Variants in HMCN2 observed in about 807,000 individuals in gnomAD.
The protein encoded by HMCN2 is hemicentin 2.
HMCN2 carries 325 observed loss-of-function variants against 377.5 expected under a neutral mutation model. The ratio of observed to expected loss-of-function variants is 0.86; its 90% CI spans 0.79 to 0.94. HMCN2 has a LOEUF of 0.94. Ranked by LOEUF, HMCN2 falls within the 40% of genes least tolerant of loss-of-function variation. The pLI, the probability that HMCN2 is intolerant of heterozygous loss-of-function variation, is 0.00. For synonymous variants in HMCN2, 2,007 were observed against 2,046.8 expected (o/e 0.98, Z 0.53); for missense variants, 4,543 against 4,725.3 (o/e 0.96, Z 1.13).
In HMCN2 at chr9:130,431,393, C is replaced by T. The variant is rs1191479568; in HGVS notation, c.14674C>T (p.Leu4892=). Reference sequence around the variant, plus strand: ...CCTTGACGAGTGCCGCGTGAGGAACCTGTGTCAGCACGCCTGCCGCAACAC... The same window carrying T: ...CCTTGACGAGTGCCGCGTGAGGAACTTGTGTCAGCACGCCTGCCGCAACAC... ...TDLDECRVRN[L]CQHACRNTEG... Residue 4892 remains leucine, a synonymous_variant, in exon 96 of 98, where the codon CTG becomes TTG. Transcript: ENST00000683500. 1 of 1,549,986 alleles carries T rather than the reference C, an allele frequency of 6.5e-7. No individual in the cohort carries two copies. Among genetic ancestry groups the T allele is most frequent in the African/African-American group, 1.4e-5 (1 of 73,034 alleles).
At chr9:130,403,917 G>C in intron 80 of HMCN2, 42 bp downstream of exon 80, 1 of 1,269,872 alleles carries the variant, frequency 7.9e-7, no homozygotes, top group Non-Finnish European at 1.0e-6. Context: ...TGGCAACTGA[G>C]GGGCTTTGAG....
Position 130,394,808 on chromosome 9 carries a change from G to A in HMCN2, c.10693-219G>A, listed in dbSNP as rs552061284. Among the ~76,000 whole-genome samples, 3 of 152,314 alleles carry A rather than the reference G, an allele frequency of 2.0e-5. No homozygotes were observed. The South Asian group carries it at 6.2e-4, about 32-fold the overall frequency. On this transcript the variant is annotated intron_variant, in intron 69 of 97. Coordinates refer to ENST00000683500, the MANE Select transcript of HMCN2 (RefSeq NM_001291815.2). This position sits in a 1 kb window ranked among gnomAD's most constrained non-coding sequence, Gnocchi z 5.1. ...ACCCCATCTAGGCCAGAGGAGGGCT[G>A]GTGCAGTTAAGGGGGACTTCTGGGA...
At chr9:130,432,282 G>T in intron 96 of HMCN2, 147 bp from the exon 97 acceptor site, 1 of 725,020 alleles carries the variant, frequency 1.4e-6, no homozygotes, top group Non-Finnish European at 2.4e-6. Flanking sequence ...CAGCTGGGTG[G>T]TCATGGGTCA....
intron 1 of HMCN2, among the ~76,000 whole-genome samples, chr9:130,276,408 GAGC>G (rs1554923146): frequency 1.3e-5 from 2 of 152,196 alleles, no homozygotes; most frequent in African/African-American, 4.8e-5. Flanking sequence ...GGGAGGGTCA[GAGC>G]AGGACGGGGA....
chr9:130,313,774 CTTTTTTTTTTT>C (rs1215426849), intron 15 of HMCN2, among the ~76,000 whole-genome samples: 10 of 81,560 alleles, frequency 1.2e-4, no homozygotes, highest in Admixed American at 3.1e-4. Flanking sequence ...TGTGTGTCCT[CTTTTTTTTTTT>C]TTTTTTTTTT....
At chr9:130,383,473 A>G in intron 56 of HMCN2, 31 bp from the exon 57 acceptor site, 2 of 963,856 alleles carry the variant, frequency 2.1e-6, no homozygotes, top group Non-Finnish European at 2.5e-6. Context: ...GGTCTCAGGT[A>G]TCTCCCAGGC....
chr9:130,368,468 C>T (rs951060252), intron 44 of HMCN2, 31 bp downstream of exon 44: 1 of 983,242 alleles, frequency 1.0e-6, no homozygotes, highest in African/African-American at 1.7e-5. Context: ...CTGGAAGGGT[C>T]TGGGATCATG....
chr9:130,382,423 T>G (rs989864748), intron 55 of HMCN2, 126 bp downstream of exon 55: 1 of 287,016 alleles, frequency 3.5e-6, no homozygotes, highest in East Asian at 1.7e-4. Context: ...TGGAGTTACA[T>G]GCTCGGCCTC....
intron 89 of HMCN2, 70 bp downstream of exon 89, chr9:130,425,200 A>AT: frequency 6.9e-7 from 1 of 1,450,890 alleles, no homozygotes; most frequent in Non-Finnish European, 9.1e-7. Flanking sequence ...GCTCTCAACC[A>AT]CCCCTGAGCA....
chr9:130,272,954 AT>A (rs1467756057), intron 1 of HMCN2, among the ~76,000 whole-genome samples: 1 of 152,104 alleles, frequency 6.6e-6, no homozygotes, highest in East Asian at 1.9e-4. Flanking sequence ...ACTTCCAAAA[AT>A]TTTTTTCTAC....
chr9:130,328,542 T>C (rs1215794603), intron 22 of HMCN2, among the ~76,000 whole-genome samples: 2 of 152,148 alleles, frequency 1.3e-5, no homozygotes, highest in African/African-American at 4.8e-5. Flanking sequence ...AGAGTTGTGT[T>C]GTGTTCCCTC....
intron 77 of HMCN2, 112 bp downstream of exon 77, chr9:130,401,059 G>T (rs1010129274): frequency 2.4e-5 from 23 of 946,142 alleles, no homozygotes; most frequent in Non-Finnish European, 2.5e-5. Flanking sequence ...GCCTGGCACT[G>T]CCTCTCCTGG....
intron 15 of HMCN2, among the ~76,000 whole-genome samples, chr9:130,313,575 C>T (rs1175746880): frequency 2.0e-5 from 3 of 147,528 alleles, no homozygotes; most frequent in East Asian, 2.0e-4. Context: ...TTAGGGCTTG[C>T]GTGGAATAAA....
rs369643123 is a variant in HMCN2, at chr9:130,395,266, A to T, written c.10830A>T (p.Pro3610=). 1.9e-4 allele frequency: 243 copies of T among 1,289,346 alleles called. No homozygotes were observed. In the African/African-American group the frequency reaches 2.8e-3, roughly 15 times the overall value. The allele number at this position is 1,289,346 out of a possible 1,614,324, so 79.9% of individuals were successfully genotyped here. A position where few individuals can be genotyped will look rare whatever the true frequency, so the allele number is the denominator to read the frequency against. The change falls in exon 71 of 98, where the codon CCA becomes CCT. Residue 3610 remains proline, a synonymous_variant. Transcript: ENST00000683500. ...CCCGCTTTGTGGTCGGCCTGGCCCCAGGGCAGCTGGTCCTGGAGTGTTCGG... is the reference window on the plus strand; with the variant it reads ...CCCGCTTTGTGGTCGGCCTGGCCCCTGGGCAGCTGGTCCTGGAGTGTTCGG... ...RGPRFVVGLA[P]GQLVLECSVE...
intron 85 of HMCN2, among the ~76,000 whole-genome samples, chr9:130,417,695 C>T (rs947628202): frequency 1.3e-5 from 2 of 152,120 alleles, no homozygotes; most frequent in African/African-American, 4.8e-5. Flanking sequence ...GAGGAATGGG[C>T]TCTCCCCCAG....
chr9:130,297,378 C>A (rs753481961), intron 7 of HMCN2, among the ~76,000 whole-genome samples: 1 of 152,252 alleles, frequency 6.6e-6, no homozygotes, highest in Non-Finnish European at 1.5e-5. Context: ...AGGATGCCTG[C>A]ATGCCCGCTA....
Position 130,399,586 on chromosome 9 carries a change from C to T in HMCN2, c.11559C>T (p.Ser3853=), listed in dbSNP as rs760792333. The T allele has an allele frequency of 7.0e-6, 9 of 1,289,664 alleles. No homozygotes were observed. Among genetic ancestry groups the T allele is most frequent in the Non-Finnish European group, 8.1e-6 (8 of 988,810 alleles). The allele number at this position is 1,289,664 out of a possible 1,614,324, so 79.9% of individuals were successfully genotyped here. Residue 3853 remains serine (S), a synonymous_variant, in exon 76 of 98, where the codon AGC becomes AGT. Transcript: ENST00000683500. The stretch of plus-strand genomic sequence containing the variant: ...CAGCCCAGTTTGAATGCGTGGTGAG[C>T]AATGAGGTGGGCGAGGCCCACAGGC... ...QDSAQFECVV[S]NEVGEAHRLY...
At chr9:130,345,722 A>G (rs1444641514) in intron 25 of HMCN2, among the ~76,000 whole-genome samples, 1 of 151,760 alleles carries the variant, frequency 6.6e-6, no homozygotes. Flanking sequence ...TGGGCAGAGG[A>G]TTCCAGAGGA....
chr9:130,430,210 G>A (rs775030578), intron 94 of HMCN2, 74 bp from the exon 95 acceptor site: 8 of 1,240,986 alleles, frequency 6.4e-6, no homozygotes, highest in Non-Finnish European at 8.8e-6. Context: ...AGAGAAGGCA[G>A]GGCCAGGCAA....
Sources: gnomAD v4.1 joint callset for allele counts (sites outside exome capture counted in the v4.1 genomes callset) on GRCh38, gnomAD v4.1.1 for gene constraint, Gnocchi (gnomAD v3.1) non-coding constraint, MANE v1.5 for transcripts, NCBI Gene and HGNC (gene_info 2026-07-23, HGNC 2026-07-21) for gene names.